CACNB4: variants seen among roughly 807,000 people sequenced by gnomAD.
The protein encoded by CACNB4 is calcium voltage-gated channel auxiliary subunit beta 4, also known as voltage-dependent L-type calcium channel subunit beta-4.
A neutral mutation model predicts 71.2 loss-of-function variants in CACNB4; 32 were observed. The ratio of observed to expected loss-of-function variants is 0.45; its 90% confidence interval spans 0.34 to 0.60. The LOEUF is 0.60. Ranked by LOEUF, CACNB4 falls within the 20% of genes least tolerant of loss-of-function variation. The probability of loss-of-function intolerance (pLI) is 0.01; values close to 1 mark genes in which losing one functional copy is unlikely to be tolerated. For missense variants in CACNB4, 464 were observed against 647.9 expected, an observed-to-expected ratio of 0.72 and a Z score of 3.08; for synonymous variants, 231 against 236.9, an observed-to-expected ratio of 0.97 and a Z score of 0.23.
chr2:151,983,129 CAAAAT>C (rs2099875008), intron 2 of CACNB4, among the ~76,000 whole-genome samples: 2 of 152,150 alleles, frequency 1.3e-5, no homozygotes, highest in Admixed American at 6.5e-5. Context: ...TGGGCCAAAA[CAAAAT>C]GTTTGTGAGC....
chr2:151,842,769 T>C (rs577888520), intron 12 of CACNB4, among the ~76,000 whole-genome samples: 2 of 152,306 alleles, frequency 1.3e-5, no homozygotes, highest in East Asian at 3.9e-4. Flanking sequence ...CTTTGGAATA[T>C]GAGAGAAGCA....
chr2:151,898,351 G>A (rs1053297683), intron 2 of CACNB4, among the ~76,000 whole-genome samples: 1 of 152,162 alleles, frequency 6.6e-6, no homozygotes, highest in African/African-American at 2.4e-5. Context: ...GACGGCCAGG[G>A]CTAGGGACGG....
At position 152,001,034 on chromosome 2, in the gene CACNB4, C is replaced by G. The variant is rs1682365924; in HGVS notation, c.147+97296G>C. Among the ~76,000 whole-genome samples the G allele has an allele frequency of 2.0e-5, 3 of 152,198 alleles. No homozygotes were observed. In the South Asian group the frequency reaches 6.2e-4, roughly 31 times the overall value. ...ACCAGACACCATGCTAAGCAGTTTT[C>G]ACATCAAATCTCACCGAATCTTTTC... On this transcript the variant is annotated intron_variant, in intron 2 of 13. Transcript: ENST00000539935.
At chr2:152,043,943 T>A (rs1443251782) in intron 2 of CACNB4, among the ~76,000 whole-genome samples, 4 of 152,148 alleles carry the variant, frequency 2.6e-5, no homozygotes, top group Admixed American at 6.6e-5. Flanking sequence ...TGATGGCACA[T>A]TCCTATAGTC....
chr2:152,003,480 A>T (rs1403734500), intron 2 of CACNB4, among the ~76,000 whole-genome samples: 1 of 152,052 alleles, frequency 6.6e-6, no homozygotes. Context: ...CTGTTCTCAT[A>T]ACTTACACAG....
intron 13 of CACNB4, among the ~76,000 whole-genome samples, chr2:151,839,581 T>C (rs183311851): frequency 3.3e-4 from 51 of 152,344 alleles, no homozygotes; most frequent in African/African-American, 1.0e-3. Flanking sequence ...AGAGTGTTGA[T>C]AGTTTATGAG....
chr2:151,972,987 G>A (rs937345706), intron 2 of CACNB4: 1 of 152,124 alleles, frequency 6.6e-6, no homozygotes, highest in African/African-American at 2.4e-5. Context: ...ATGATTTCAG[G>A]GATTTCAGGA....
intron 2 of CACNB4, among the ~76,000 whole-genome samples, chr2:151,890,195 T>C (rs1266603103): frequency 6.6e-6 from 1 of 152,314 alleles, no homozygotes; most frequent in East Asian, 1.9e-4. Context: ...TTTTCAAAAA[T>C]GTTGGCTGAA....
chr2:152,011,991 G>A (rs549926170), intron 2 of CACNB4, among the ~76,000 whole-genome samples: 1 of 151,738 alleles, frequency 6.6e-6, no homozygotes, highest in South Asian at 2.1e-4. Context: ...AGCACAGATA[G>A]TTATGTACAG....
intron 2 of CACNB4, among the ~76,000 whole-genome samples, chr2:151,984,808 G>C (rs1346820188): frequency 6.6e-6 from 1 of 152,110 alleles, no homozygotes; most frequent in African/African-American, 2.4e-5. Context: ...GCATCAACTT[G>C]CCTCCTGCCA....
chr2:151,957,455 G>A (rs374951490), intron 2 of CACNB4, among the ~76,000 whole-genome samples: 2 of 48,570 alleles, frequency 4.1e-5, no homozygotes, highest in South Asian at 1.1e-3. Context: ...CAAGGGTAGG[G>A]TAAGGATAGG....
intron 2 of CACNB4, among the ~76,000 whole-genome samples, chr2:151,895,896 C>T (rs147526436): frequency 1.8e-3 from 268 of 148,716 alleles, no homozygotes; most frequent in African/African-American, 6.3e-3. Context: ...CAGGCTGGAG[C>T]GCAAATGGGG....
At chr2:152,003,609 C>A (rs1425039798) in intron 2 of CACNB4, among the ~76,000 whole-genome samples, 1 of 152,150 alleles carries the variant, frequency 6.6e-6, no homozygotes, top group Non-Finnish European at 1.5e-5. Flanking sequence ...CCTCCTCCCC[C>A]TTCTCTGCTC....
At chr2:152,052,546 G>A (rs1049072652) in intron 2 of CACNB4, among the ~76,000 whole-genome samples, 6 of 152,078 alleles carry the variant, frequency 3.9e-5, no homozygotes, top group African/African-American at 1.4e-4. Context: ...CGCCCGCCTC[G>A]GCCTTCCACA....
intron 8 of CACNB4, chr2:151,869,702 C>A: frequency 6.0e-6 from 1 of 165,818 alleles, no homozygotes; most frequent in South Asian, 1.8e-4. Flanking sequence ...TTTTGTAGAC[C>A]ACTCTCCTGC....
intron 2 of CACNB4, among the ~76,000 whole-genome samples, chr2:152,029,114 T>C (rs569560042): frequency 1.3e-5 from 2 of 152,216 alleles, no homozygotes; most frequent in African/African-American, 2.4e-5. Flanking sequence ...TTTGAATGTA[T>C]TTGGGAGGTA....
At position 151,832,873 on chromosome 2, in the gene CACNB4, C is replaced by T. The variant is rs956635889; in HGVS notation, c.*6246G>A. On this transcript the variant is annotated 3_prime_UTR_variant, in exon 14 of 14. Coordinates refer to ENST00000539935, the MANE Select transcript of CACNB4 (RefSeq NM_000726.5). The stretch of plus-strand genomic sequence containing the variant: ...ACAAATCCATAGAAATGAGGATACT[C>T]TATGCATGCACTCTGCATTTTCTTT... 1.3e-5 allele frequency: 2 copies of T among 152,042 alleles called. No individual in the cohort carries two copies. Among genetic ancestry groups the T allele is most frequent in the Non-Finnish European group, 2.9e-5 (2 of 67,984 alleles). The allele number at this position is 152,042 out of a possible 1,614,324, so 9.4% of individuals were successfully genotyped here.
At chr2:151,998,509 C>G (rs1242058701) in intron 2 of CACNB4, among the ~76,000 whole-genome samples, 6 of 152,100 alleles carry the variant, frequency 3.9e-5, no homozygotes, top group Non-Finnish European at 8.8e-5. Context: ...CCTCAGCTGT[C>G]TTATTGGTAA....
intron 2 of CACNB4, among the ~76,000 whole-genome samples, chr2:151,920,318 CTTT>C (rs10574154): frequency 1.0e-3 from 68 of 66,104 alleles, no homozygotes; most frequent in Middle Eastern, 0.011. Flanking sequence ...TCTTCTTCTT[CTTT>C]TTTTTTTTTT....
Sources: allele counts gnomAD v4.1 joint callset (sites outside exome capture counted in the v4.1 genomes callset), GRCh38; gene constraint gnomAD v4.1.1; transcripts MANE v1.5; gene names NCBI Gene and HGNC (gene_info 2026-07-23, HGNC 2026-07-21).